The following NF1 variants were observed in gnomAD, a reference collection of about 807,000 sequenced individuals.
NF1 encodes neurofibromin.
Under a neutral mutation model 325.7 loss-of-function variants are expected in NF1, and 122 were observed. That is an observed-to-expected ratio of 0.37 (90% confidence interval 0.32 to 0.44). NF1 has a LOEUF of 0.44. NF1 is among the 20% of genes least tolerant of loss of function. The pLI, the probability that NF1 is intolerant of heterozygous loss-of-function variation, is 1.00. For missense variants in NF1, 2,140 were observed against 3,415.4 expected, an observed-to-expected ratio of 0.63 and a Z score of 9.31; for synonymous variants, 1,091 against 1,186.0, an observed-to-expected ratio of 0.92 and a Z score of 1.65.
intron 37 of NF1, among the ~76,000 whole-genome samples, chr17:31,327,078 G>C (rs17880873): frequency 0.5 from 76,157 of 151,708 alleles, 20,810 homozygotes; most frequent in Non-Finnish European, 0.62. Context: ...AAGCGATTCT[G>C]CTGCCTCAGC....
intron 23 of NF1, 79 bp downstream of exon 23, chr17:31,230,461 G>A (rs1567849948): frequency 7.8e-6 from 12 of 1,534,792 alleles, no homozygotes; most frequent in East Asian, 6.8e-5. Flanking sequence ...GTAGATATGC[G>A]GTTATTGGTA....
intron 36 of NF1, among the ~76,000 whole-genome samples, chr17:31,302,709 G>C (rs549028437): frequency 1.5e-3 from 232 of 152,158 alleles, no homozygotes; most frequent in Admixed American, 3.6e-3. Context: ...GCCAGGCGTG[G>C]TGGTGCACGC....
At chr17:31,174,851 C>G (rs2065990602) in intron 5 of NF1, among the ~76,000 whole-genome samples, 1 of 152,124 alleles carries the variant, frequency 6.6e-6, no homozygotes, top group South Asian at 2.1e-4. Flanking sequence ...TGGCTCACAC[C>G]TGTAATCCCA....
intron 36 of NF1, among the ~76,000 whole-genome samples, chr17:31,281,684 C>T (rs1281711359): frequency 6.6e-6 from 1 of 151,940 alleles, no homozygotes; most frequent in Admixed American, 6.6e-5. Flanking sequence ...ATTTAATACC[C>T]ATCTTGATAA....
At chr17:31,303,673 A>C (rs995496951) in intron 36 of NF1, 1 of 152,252 alleles carries the variant, frequency 6.6e-6, no homozygotes, top group Non-Finnish European at 1.5e-5. Context: ...ATGCATCCTC[A>C]TATTTTTTTC....
At chr17:31,252,899 C>A (rs376339033) in intron 30 of NF1, 39 bp from the exon 31 acceptor site, 1 of 1,528,830 alleles carries the variant, frequency 6.5e-7, no homozygotes, top group South Asian at 1.1e-5. Flanking sequence ...TGTATGTAGT[C>A]GGTGCTGTGA....
At chr17:31,262,210 C>A (rs971463642) in intron 35 of NF1, among the ~76,000 whole-genome samples, 1 of 152,150 alleles carries the variant, frequency 6.6e-6, no homozygotes, top group African/African-American at 2.4e-5. Flanking sequence ...ACACCTGATT[C>A]ATAGGTCTTT....
intron 38 of NF1, 151 bp from the exon 39 acceptor site, chr17:31,330,145 G>C: frequency 1.4e-6 from 1 of 717,018 alleles, no homozygotes; most frequent in East Asian, 2.7e-5. Flanking sequence ...TTTTACTGTA[G>C]AATTATAACA....
intron 42 of NF1, 47 bp from the exon 43 acceptor site, chr17:31,337,321 A>T (rs1482595225): frequency 6.9e-7 from 1 of 1,441,486 alleles, no homozygotes; most frequent in African/African-American, 1.4e-5. Flanking sequence ...TTTAGAAATT[A>T]AAAAGTAATA....
At chr17:31,215,889 G>C (rs1420595741) in intron 13 of NF1, among the ~76,000 whole-genome samples, 1 of 152,110 alleles carries the variant, frequency 6.6e-6, no homozygotes, top group African/African-American at 2.4e-5. Flanking sequence ...ATGAAACTTC[G>C]TGAATTTTTT....
intron 36 of NF1, chr17:31,305,041 C>T (rs773591315): frequency 1.9e-6 from 3 of 1,614,194 alleles, no homozygotes; most frequent in Non-Finnish European, 2.5e-6. Context: ...TTGTTTGTTA[C>T]TGGTAGTATC....
rs1238778918 is a variant in NF1 at position 31,315,743 on chromosome 17, C to CTTT, written c.4836-10077_4836-10076insTTT. 2.0e-5 allele frequency among the ~76,000 whole-genome samples: 3 copies of CTTT among 152,176 alleles called. No homozygotes were observed. The East Asian group carries it at 5.8e-4, about 29-fold the overall frequency. Reference sequence around the variant, plus strand: ...TGGATGATGCATATTATAGTAGGTACGGAATGTGTTAACCCATGCACTGCT... The same window carrying CTTT: ...TGGATGATGCATATTATAGTAGGTACTTTGGAATGTGTTAACCCATGCACTGCT... On this transcript the variant is annotated intron_variant, in intron 36 of 57. Transcript: ENST00000358273.
At chr17:31,117,421 C>T (rs1036837746) in intron 1 of NF1, among the ~76,000 whole-genome samples, 4 of 149,816 alleles carry the variant, frequency 2.7e-5, no homozygotes, top group Admixed American at 2.0e-4. Context: ...GCCTGTAATC[C>T]CAGCACTTTG....
At chr17:31,246,172 C>A (rs2067387453) in intron 29 of NF1, among the ~76,000 whole-genome samples, 1 of 152,200 alleles carries the variant, frequency 6.6e-6, no homozygotes, top group Non-Finnish European at 1.5e-5. Context: ...ATTGTTGAAT[C>A]CTCAGCACCT....
At chr17:31,201,251 T>A (rs569873114) in intron 10 of NF1, 92 bp downstream of exon 10, 1 of 1,545,714 alleles carries the variant, frequency 6.5e-7, no homozygotes, top group African/African-American at 1.4e-5. Flanking sequence ...TTCACTTTTA[T>A]CGGTATTTCT....
intron 36 of NF1, among the ~76,000 whole-genome samples, chr17:31,291,402 T>C (rs1008128006): frequency 6.6e-6 from 1 of 152,254 alleles, no homozygotes; most frequent in Non-Finnish European, 1.5e-5. Flanking sequence ...TGTATATTTT[T>C]CCCATAATTT....
chr17:31,355,628 T>A (rs1011257827), intron 51 of NF1, among the ~76,000 whole-genome samples: 2 of 152,186 alleles, frequency 1.3e-5, no homozygotes, highest in African/African-American at 4.8e-5. Flanking sequence ...GGCAGGTGGA[T>A]TGCTTGAGCC....
chr17:31,289,910 T>G (rs2068313507), intron 36 of NF1, among the ~76,000 whole-genome samples: 1 of 149,188 alleles, frequency 6.7e-6, no homozygotes, highest in African/African-American at 2.5e-5. Context: ...CCATCGTTGG[T>G]TTTTTTTTTA....
intron 36 of NF1, chr17:31,305,110 G>C: frequency 1.2e-6 from 2 of 1,614,172 alleles, no homozygotes; most frequent in Non-Finnish European, 1.7e-6. Context: ...TGGTTGTGTG[G>C]ATGGATTATG....
Sources: gnomAD v4.1 joint callset for allele counts (sites outside exome capture counted in the v4.1 genomes callset) on GRCh38, gnomAD v4.1.1 for gene constraint, MANE v1.5 for transcripts, NCBI Gene and HGNC (gene_info 2026-07-23, HGNC 2026-07-21) for gene names.